The following ATP5MC2 variants were observed in gnomAD, a reference collection of about 807,000 sequenced individuals.
ATP5MC2 encodes ATP synthase membrane subunit c locus 2, also known as ATP synthase F(0) complex subunit C2, mitochondrial.
A neutral mutation model predicts 13.5 loss-of-function variants in ATP5MC2; 11 were observed. That is an observed-to-expected ratio of 0.81 (90% CI 0.51 to 1.35). ATP5MC2 has a LOEUF of 1.35. ATP5MC2 is among the 40% of genes most tolerant of loss of function. The pLI, the probability that ATP5MC2 is intolerant of heterozygous loss-of-function variation, is 0.00. For synonymous variants in ATP5MC2, 64 were observed against 69.7 expected, an observed-to-expected ratio of 0.92 and a Z score of 0.41; for missense variants, 132 against 175.0, an observed-to-expected ratio of 0.75 and a Z score of 1.39.
At chr12:53,676,318 T>C, upstream of ATP5MC2, 1 of 1,410,354 alleles carries the variant, frequency 7.1e-7, no homozygotes, top group Non-Finnish European at 9.6e-7. Flanking sequence ...AGCCGATCCG[T>C]AACGTGGACT....
At chr12:53,672,894 C>G in intron 1 of ATP5MC2, 2 of 418,296 alleles carry the variant, frequency 4.8e-6, no homozygotes, top group South Asian at 6.5e-5. Context: ...TCAGGTAAGA[C>G]CTGTTACCCA....
chr12:53,677,048 G>A (rs1945294597), upstream of ATP5MC2: 1 of 152,210 alleles, frequency 6.6e-6, no homozygotes, highest in Non-Finnish European at 1.5e-5. Flanking sequence ...AACGCAGCAC[G>A]AGAAAGACGG....
At chr12:53,678,891 T>G (rs865779632), upstream of ATP5MC2, among the ~76,000 whole-genome samples, 31 of 152,176 alleles carry the variant, frequency 2.0e-4, 1 homozygote, top group Non-Finnish European at 8.8e-5. Context: ...ATTGGCCAGT[T>G]TTTTTAATGA....
chr12:53,668,501 C>T (rs890813455), intron 4 of ATP5MC2, among the ~76,000 whole-genome samples: 4 of 150,520 alleles, frequency 2.7e-5, no homozygotes, highest in South Asian at 2.2e-4. Context: ...GATGGGGTTT[C>T]GCCATGTTGG....
intron 3 of ATP5MC2, among the ~76,000 whole-genome samples, chr12:53,669,657 G>A (rs978152364): frequency 6.6e-6 from 1 of 152,222 alleles, no homozygotes; most frequent in Non-Finnish European, 1.5e-5. Context: ...TAGCAGCAGT[G>A]CACAGGGGCA....
At chr12:53,675,860 G>T (rs1945247273) in intron 1 of ATP5MC2, among the ~76,000 whole-genome samples, 193 bp downstream of exon 1, 1 of 152,232 alleles carries the variant, frequency 6.6e-6, no homozygotes, top group African/African-American at 2.4e-5. Flanking sequence ...CCAAGATGGC[G>T]CCAGGCCCGC....
chr12:53,677,479 G>T (rs566985192), upstream of ATP5MC2: 2 of 152,370 alleles, frequency 1.3e-5, no homozygotes, highest in East Asian at 3.9e-4. Flanking sequence ...TTGCAGGCGG[G>T]CGGCAGAGGG....
chr12:53,676,151 C>T (rs772226408), upstream of ATP5MC2: 4 of 1,614,242 alleles, frequency 2.5e-6, no homozygotes, highest in Admixed American at 6.7e-5. Flanking sequence ...GTCGCTCAGC[C>T]ACGGATAGAG....
At chr12:53,677,198 C>T (rs1945298884), upstream of ATP5MC2, 1 of 153,022 alleles carries the variant, frequency 6.5e-6, no homozygotes, top group Non-Finnish European at 1.5e-5. Context: ...CCTCCCGGCT[C>T]CCGGGCCCCG....
At chr12:53,667,561 A>T (rs943473650) in intron 4 of ATP5MC2, among the ~76,000 whole-genome samples, 1 of 151,634 alleles carries the variant, frequency 6.6e-6, no homozygotes, top group Non-Finnish European at 1.5e-5. Flanking sequence ...CAGTGGCGTG[A>T]TCTCTACTCA....
intron 2 of ATP5MC2, among the ~76,000 whole-genome samples, chr12:53,672,023 G>A (rs997728837): frequency 6.3e-5 from 9 of 143,898 alleles, no homozygotes; most frequent in Non-Finnish European, 1.0e-4. Flanking sequence ...GAACCCGGGA[G>A]GCGGAGGTTG....
chr12:53,674,409 T>C (rs1056060441), intron 1 of ATP5MC2, among the ~76,000 whole-genome samples: 1 of 152,226 alleles, frequency 6.6e-6, no homozygotes, highest in African/African-American at 2.4e-5. Flanking sequence ...GTTTCCCAGA[T>C]GATTATTAGG....
intron 2 of ATP5MC2, among the ~76,000 whole-genome samples, chr12:53,672,222 CTTAT>C (rs1945120891): frequency 1.3e-5 from 2 of 151,534 alleles, no homozygotes; most frequent in South Asian, 4.2e-4. Flanking sequence ...TACTTATTTA[CTTAT>C]TTATTTATTT....
chr12:53,669,384 G>T (rs746112275), intron 3 of ATP5MC2, 43 bp from the exon 4 acceptor site: 3 of 1,578,786 alleles, frequency 1.9e-6, no homozygotes, highest in Non-Finnish European at 1.7e-6. Flanking sequence ...TTTTGCTTTG[G>T]TAACTTTTGT....
upstream of ATP5MC2, among the ~76,000 whole-genome samples, chr12:53,679,292 A>G (rs910288523): frequency 3.3e-5 from 5 of 150,670 alleles, no homozygotes; most frequent in African/African-American, 1.2e-4. Flanking sequence ...CAGGGCACAG[A>G]GAAATGCGAA....
At chr12:53,681,088 T>G (rs201673263), upstream of ATP5MC2, among the ~76,000 whole-genome samples, 3 of 151,680 alleles carry the variant, frequency 2.0e-5, no homozygotes, top group East Asian at 5.9e-4. Flanking sequence ...GTATTTTTAG[T>G]AGATACGGAG....
At position 53,665,267 on chromosome 12, in the gene ATP5MC2, G is replaced by A. The variant is rs373187050; in HGVS notation, c.*47C>T. The A allele has an allele frequency of 1.2e-5, 18 of 1,513,224 alleles. No individual in the cohort carries two copies. The highest frequency in any genetic ancestry group is 2.3e-5 in the East Asian group (1 of 44,358). The allele number at this position is 1,513,224 out of a possible 1,614,324, so 93.7% of individuals were successfully genotyped here. Reference sequence around the variant, plus strand: ...GGGAGGTATAGGAAAAGGAACACACGGGGCCAACCAGACGCGGGAGAACTA... The same window carrying A: ...GGGAGGTATAGGAAAAGGAACACACAGGGCCAACCAGACGCGGGAGAACTA... On this transcript the variant is annotated 3_prime_UTR_variant, in exon 5 of 5. Transcript: ENST00000394349.
chr12:53,681,418 C>T (rs1945338868), upstream of ATP5MC2, among the ~76,000 whole-genome samples: 1 of 150,724 alleles, frequency 6.6e-6, no homozygotes, highest in Admixed American at 6.6e-5. Context: ...CCCAGCTACT[C>T]AGGAGGCTGA....
upstream of ATP5MC2, among the ~76,000 whole-genome samples, chr12:53,681,050 G>GAGGTCAGGAGA (rs1565631741): frequency 4.6e-5 from 7 of 151,712 alleles, no homozygotes; most frequent in African/African-American, 1.5e-4. Context: ...GGGACTACAG[G>GAGGTCAGGAGA]TGTGCACCAC....
Sources: gnomAD v4.1 joint callset for allele counts (sites outside exome capture counted in the v4.1 genomes callset) on GRCh38, gnomAD v4.1.1 for gene constraint, MANE v1.5 for transcripts, NCBI Gene and HGNC (gene_info 2026-07-23, HGNC 2026-07-21) for gene names.